Variants in NRG3 observed in about 807,000 individuals in gnomAD.
NRG3 encodes the protein neuregulin 3, also known as pro-neuregulin-3, membrane-bound isoform.
In NRG3, 31 loss-of-function variants were observed where a neutral mutation model predicts 66.9. The ratio of observed to expected loss-of-function variants is 0.46; its 90% CI spans 0.35 to 0.63. The LOEUF is 0.63. Among genes scored for constraint, NRG3 ranks in the 20% least tolerant of loss-of-function variants. NRG3 has a pLI of 0.00. For synonymous variants in NRG3, 393 were observed against 359.4 expected, an observed-to-expected ratio of 1.09 and a Z score of -1.06; for missense variants, 910 against 878.9, an observed-to-expected ratio of 1.04 and a Z score of -0.45.
intron 1 of NRG3, among the ~76,000 whole-genome samples, chr10:82,296,200 C>A (rs549439438): frequency 1.3e-5 from 2 of 152,236 alleles, no homozygotes; most frequent in East Asian, 3.9e-4. Flanking sequence ...GTCAGTGTGG[C>A]CGCAGCTCAG....
intron 3 of NRG3, among the ~76,000 whole-genome samples, chr10:82,789,158 T>A (rs2060486399): frequency 6.6e-6 from 1 of 152,086 alleles, no homozygotes; most frequent in South Asian, 2.1e-4. Flanking sequence ...TACCAACACT[T>A]TTTGTCTTCT....
chr10:82,184,664 A>G (rs2073683465), intron 1 of NRG3, among the ~76,000 whole-genome samples: 1 of 152,188 alleles, frequency 6.6e-6, no homozygotes, highest in Admixed American at 6.6e-5. Context: ...CCTCGGGGAT[A>G]TAATAAATAT....
chr10:82,354,087 T>A (rs1043935850), intron 1 of NRG3, among the ~76,000 whole-genome samples: 2 of 135,806 alleles, frequency 1.5e-5, no homozygotes, highest in Non-Finnish European at 3.0e-5. Flanking sequence ...CAGGCTGGGG[T>A]GCAGTGGCGC....
chr10:82,675,495 T>C (rs1296950735), intron 2 of NRG3, among the ~76,000 whole-genome samples: 1 of 152,190 alleles, frequency 6.6e-6, no homozygotes, highest in African/African-American at 2.4e-5. Flanking sequence ...ATAATAGTGA[T>C]GCTGTCCACA....
chr10:82,303,853 C>G (rs938155151), intron 1 of NRG3, among the ~76,000 whole-genome samples: 1 of 151,900 alleles, frequency 6.6e-6, no homozygotes, highest in Non-Finnish European at 1.5e-5. Flanking sequence ...GGGGACAGAG[C>G]AAGACCCTGT....
chr10:82,663,711 A>G (rs1192270668), intron 2 of NRG3, among the ~76,000 whole-genome samples: 1 of 152,238 alleles, frequency 6.6e-6, no homozygotes, highest in Non-Finnish European at 1.5e-5. Flanking sequence ...TGCTGCAAAC[A>G]CTAGAAAATG....
intron 2 of NRG3, among the ~76,000 whole-genome samples, chr10:82,439,785 C>T (rs2090337592): frequency 6.6e-6 from 1 of 151,942 alleles, no homozygotes. Flanking sequence ...TTGTAATACA[C>T]TACTGGATTC....
chr10:82,249,961 A>G (rs143571873), intron 1 of NRG3, among the ~76,000 whole-genome samples: 1 of 152,320 alleles, frequency 6.6e-6, no homozygotes, highest in Non-Finnish European at 1.5e-5. Context: ...CCCAATGTGA[A>G]TATAAACTCC....
chr10:82,526,962 A>G (rs909712371), intron 2 of NRG3, among the ~76,000 whole-genome samples: 2 of 152,094 alleles, frequency 1.3e-5, no homozygotes, highest in Admixed American at 1.3e-4. Context: ...AATGTTGGAT[A>G]ATATCTATTG....
chr10:82,013,804 G>C (rs1259045768), intron 1 of NRG3, among the ~76,000 whole-genome samples: 1 of 151,964 alleles, frequency 6.6e-6, no homozygotes, highest in East Asian at 1.9e-4. Flanking sequence ...TAAATTTGCT[G>C]TTAAAATATA....
intron 3 of NRG3, among the ~76,000 whole-genome samples, chr10:82,847,084 G>GT (rs2063341275): frequency 6.6e-6 from 1 of 152,182 alleles, no homozygotes; most frequent in South Asian, 2.1e-4. Context: ...GTAGCATGTG[G>GT]TTTTCCAAAC....
chr10:81,894,022 A>G (rs1843275407), intron 1 of NRG3, among the ~76,000 whole-genome samples: 1 of 152,210 alleles, frequency 6.6e-6, no homozygotes, highest in South Asian at 2.1e-4. Flanking sequence ...ACAAAATGCC[A>G]CAGACTGCAT....
At chr10:82,662,980 A>C (rs2052482620) in intron 2 of NRG3, among the ~76,000 whole-genome samples, 1 of 152,192 alleles carries the variant, frequency 6.6e-6, no homozygotes, top group Non-Finnish European at 1.5e-5. Flanking sequence ...GGGTAAAAAG[A>C]GCCTTTCTTG....
intron 2 of NRG3, among the ~76,000 whole-genome samples, chr10:82,436,443 G>C (rs2136385536): frequency 6.6e-6 from 1 of 152,128 alleles, no homozygotes; most frequent in South Asian, 2.1e-4. Context: ...CATGTAAGGT[G>C]GGTCTTCTGA....
chr10:82,011,072 G>T (rs750965070), intron 1 of NRG3, among the ~76,000 whole-genome samples: 1 of 152,068 alleles, frequency 6.6e-6, no homozygotes, highest in Non-Finnish European at 1.5e-5. Context: ...ATAGAATATT[G>T]TACTGCATTG....
intron 3 of NRG3, among the ~76,000 whole-genome samples, chr10:82,751,629 G>C (rs2134945258): frequency 6.6e-6 from 1 of 152,208 alleles, no homozygotes; most frequent in African/African-American, 2.4e-5. Flanking sequence ...ATGCACAAAA[G>C]TTCTGTCATT....
At chr10:82,883,239 T>C (rs1233939195) in intron 4 of NRG3, among the ~76,000 whole-genome samples, 1 of 149,930 alleles carries the variant, frequency 6.7e-6, no homozygotes, top group African/African-American at 2.5e-5. Flanking sequence ...TATTTACAGG[T>C]CTTTTTTTGC....
chr10:82,921,169 C>T (rs1348409987), intron 4 of NRG3, among the ~76,000 whole-genome samples: 1 of 152,030 alleles, frequency 6.6e-6, no homozygotes, highest in Non-Finnish European at 1.5e-5. Context: ...ATTATAATAG[C>T]ACTCTATTTC....
At chr10:81,882,162 A>C (rs779015871) in intron 1 of NRG3, among the ~76,000 whole-genome samples, 22 of 152,234 alleles carry the variant, frequency 1.4e-4, no homozygotes, top group Non-Finnish European at 2.8e-4. Flanking sequence ...TGTAAAGTGC[A>C]CAACTCAGCT....
Sources: allele counts gnomAD v4.1 joint callset (sites outside exome capture counted in the v4.1 genomes callset), GRCh38; gene constraint gnomAD v4.1.1; transcripts MANE v1.5; gene names NCBI Gene and HGNC (gene_info 2026-07-23, HGNC 2026-07-21).